ERBB4: variants seen among roughly 807,000 people sequenced by gnomAD.
ERBB4 encodes the protein receptor tyrosine-protein kinase erbB-4.
Under a neutral mutation model 158.0 loss-of-function variants are expected in ERBB4, and 42 were observed. That is an observed-to-expected ratio of 0.27 (90% CI 0.21 to 0.34). The LOEUF (loss-of-function observed/expected upper bound fraction) is 0.34, where lower values mean the gene tolerates loss of function less well. Ranked by LOEUF, ERBB4 falls within the 10% of genes least tolerant of loss-of-function variation. The pLI is 1.00. For missense variants in ERBB4, 1,333 were observed against 1,624.1 expected (o/e 0.82, Z 3.08); for synonymous variants, 583 against 558.7 (o/e 1.04, Z -0.61).
At chr2:212,260,882 A>C (rs550363939) in intron 1 of ERBB4, among the ~76,000 whole-genome samples, 1 of 152,294 alleles carries the variant, frequency 6.6e-6, no homozygotes, top group Admixed American at 6.5e-5. Flanking sequence ...ATTTGAAGAA[A>C]AGGGTGACAG....
intron 2 of ERBB4, among the ~76,000 whole-genome samples, chr2:212,071,157 C>T (rs920993396): frequency 2.6e-5 from 4 of 151,878 alleles, no homozygotes; most frequent in Non-Finnish European, 5.9e-5. Flanking sequence ...GAATCTGTAA[C>T]TTTGACTATC....
At chr2:211,530,724 C>CA (rs1199793711) in intron 20 of ERBB4, among the ~76,000 whole-genome samples, 3 of 151,968 alleles carry the variant, frequency 2.0e-5, no homozygotes, top group Non-Finnish European at 4.4e-5. Flanking sequence ...CCTATTTCTA[C>CA]AAAAAATAGA....
intron 1 of ERBB4, among the ~76,000 whole-genome samples, chr2:212,268,739 T>TA (rs1374621316): frequency 3.9e-5 from 6 of 151,972 alleles, no homozygotes; most frequent in African/African-American, 7.2e-5. Context: ...ACTTTATTTA[T>TA]AAAAAACAGC....
intron 16 of ERBB4, among the ~76,000 whole-genome samples, chr2:211,646,608 A>G (rs147023086): frequency 2.0e-5 from 3 of 151,816 alleles, no homozygotes; most frequent in Admixed American, 1.3e-4. Context: ...AGTAATCTGT[A>G]CTTGCACAGC....
At chr2:212,183,195 C>A in intron 1 of ERBB4, among the ~76,000 whole-genome samples, 1 of 151,726 alleles carries the variant, frequency 6.6e-6, no homozygotes, top group Admixed American at 6.6e-5. Context: ...GGTGAATACA[C>A]CCTAAAGCTC....
intron 3 of ERBB4, among the ~76,000 whole-genome samples, chr2:211,937,473 CT>C (rs2080357963): frequency 6.6e-6 from 1 of 152,052 alleles, no homozygotes; most frequent in African/African-American, 2.4e-5. Context: ...AAGAAATAGA[CT>C]TTTTCTATTA....
Position 211,924,728 on chromosome 2 carries a change from G to A in ERBB4, c.421+22702C>T, listed in dbSNP as rs551701069. Among the ~76,000 whole-genome samples the A allele has an allele frequency of 2.6e-5, 4 of 152,134 alleles. No individual in the cohort carries two copies. In the South Asian group the frequency reaches 6.2e-4, roughly 24 times the overall value. ...AAGTTGGTAGTATTTCTTTGTTCAC[G>A]GTCACATAGGTAAGAGTCACGTATT... On this transcript the variant is annotated intron_variant, in intron 3 of 27. Transcript: ENST00000342788.
chr2:212,218,080 C>G (rs1407957687), intron 1 of ERBB4, among the ~76,000 whole-genome samples: 1 of 151,192 alleles, frequency 6.6e-6, no homozygotes, highest in Admixed American at 6.6e-5. Context: ...TGAAAAGTAA[C>G]ATAATAAGAA....
chr2:211,487,566 G>A (rs1347418568), intron 20 of ERBB4, among the ~76,000 whole-genome samples: 1 of 151,856 alleles, frequency 6.6e-6, no homozygotes, highest in Non-Finnish European at 1.5e-5. Flanking sequence ...CTATTTTATT[G>A]TACAAGCCAG....
chr2:212,464,342 G>C (rs113331455), intron 1 of ERBB4, among the ~76,000 whole-genome samples: 4 of 152,010 alleles, frequency 2.6e-5, no homozygotes, highest in African/African-American at 9.7e-5. Flanking sequence ...TTTTTTATGG[G>C]TAAGTAAATA....
chr2:212,253,792 G>A (rs1162365729), intron 1 of ERBB4, among the ~76,000 whole-genome samples: 2 of 152,148 alleles, frequency 1.3e-5, no homozygotes, highest in African/African-American at 4.8e-5. Flanking sequence ...TCTGAAAAAT[G>A]TATCGTTAGG....
intron 2 of ERBB4, among the ~76,000 whole-genome samples, chr2:212,020,296 A>T (rs1027573691): frequency 2.0e-5 from 3 of 152,120 alleles, no homozygotes; most frequent in Admixed American, 6.5e-5. Flanking sequence ...TCAATATGCT[A>T]GGACAATATT....
intron 3 of ERBB4, 143 bp downstream of exon 3, chr2:211,947,287 A>G (rs1020672997): frequency 7.0e-6 from 5 of 718,478 alleles, no homozygotes; most frequent in Middle Eastern, 7.7e-4. Context: ...ACAGGGCATC[A>G]TTGCTTATAA....
At chr2:211,711,847 T>A (rs1466063439) in intron 9 of ERBB4, among the ~76,000 whole-genome samples, 1 of 152,104 alleles carries the variant, frequency 6.6e-6, no homozygotes, top group Admixed American at 6.6e-5. Context: ...TTGACCTTAG[T>A]CACCAAACTA....
chr2:212,135,549 A>G (rs919811942), intron 1 of ERBB4, among the ~76,000 whole-genome samples: 5 of 152,288 alleles, frequency 3.3e-5, no homozygotes, highest in African/African-American at 1.2e-4. Flanking sequence ...TTATTTCATA[A>G]CATTTCTATG....
At chr2:211,866,299 G>C (rs1373379639) in intron 3 of ERBB4, among the ~76,000 whole-genome samples, 1 of 151,842 alleles carries the variant, frequency 6.6e-6, no homozygotes, top group Non-Finnish European at 1.5e-5. Context: ...CTTGTCTCTG[G>C]GTTCCACTCT....
At chr2:212,042,143 T>C (rs950029119) in intron 2 of ERBB4, among the ~76,000 whole-genome samples, 15 of 152,066 alleles carry the variant, frequency 9.9e-5, no homozygotes, top group African/African-American at 3.4e-4. Flanking sequence ...AAATTCAGTA[T>C]GGGTAAGTGC....
intron 19 of ERBB4, among the ~76,000 whole-genome samples, chr2:211,611,749 G>A (rs948507259): frequency 1.3e-5 from 2 of 152,110 alleles, no homozygotes. Flanking sequence ...GCACGTTTTA[G>A]CTGGAGAAGC....
At chr2:212,080,806 T>C (rs144990327) in intron 2 of ERBB4, among the ~76,000 whole-genome samples, 44 of 152,286 alleles carry the variant, frequency 2.9e-4, no homozygotes, top group African/African-American at 9.6e-4. Context: ...CACTGATTCC[T>C]TCCCCATTAC....
Sources: allele counts gnomAD v4.1 joint callset (sites outside exome capture counted in the v4.1 genomes callset), GRCh38; gene constraint gnomAD v4.1.1; transcripts MANE v1.5; gene names NCBI Gene and HGNC (gene_info 2026-07-23, HGNC 2026-07-21).